SCAPER: variants seen among roughly 807,000 people sequenced by gnomAD.
SCAPER encodes the protein S-phase cyclin A associated protein in the ER, also known as S phase cyclin A-associated protein in the endoplasmic reticulum.
SCAPER carries 98 observed loss-of-function variants against 182.2 expected under a neutral mutation model. The ratio of observed to expected loss-of-function variants is 0.54; its 90% CI spans 0.46 to 0.64. The LOEUF is 0.64. Ranked by LOEUF, SCAPER falls within the 30% of genes least tolerant of loss-of-function variation. The pLI, the probability that SCAPER is intolerant of heterozygous loss-of-function variation, is 0.00. For synonymous variants in SCAPER, 605 were observed against 564.6 expected (o/e 1.07, Z -1.01); for missense variants, 1,432 against 1,690.0 (o/e 0.85, Z 2.68).
chr15:76,643,846 T>C (rs922864292), intron 21 of SCAPER, among the ~76,000 whole-genome samples: 1 of 152,142 alleles, frequency 6.6e-6, no homozygotes, highest in Non-Finnish European at 1.5e-5. Context: ...AGTAAGAGCT[T>C]ACCAAAATAT....
chr15:76,645,597 T>C (rs2054482150), intron 21 of SCAPER, among the ~76,000 whole-genome samples: 1 of 152,044 alleles, frequency 6.6e-6, no homozygotes. Flanking sequence ...CTTTCCTGAC[T>C]GCCCCAGTCA....
chr15:76,692,842 G>A (rs2058451101), intron 20 of SCAPER, among the ~76,000 whole-genome samples: 1 of 150,238 alleles, frequency 6.7e-6, no homozygotes, highest in Non-Finnish European at 1.5e-5. Context: ...AAAAAATAAA[G>A]CGACAATAGA....
chr15:76,709,915 T>A (rs1215659496), intron 17 of SCAPER, among the ~76,000 whole-genome samples: 1 of 152,202 alleles, frequency 6.6e-6, no homozygotes, highest in African/African-American at 2.4e-5. Context: ...AAACCCACAG[T>A]CATCTTAATG....
intron 28 of SCAPER, among the ~76,000 whole-genome samples, chr15:76,377,694 A>C (rs1232296424): frequency 6.6e-6 from 1 of 152,184 alleles, no homozygotes; most frequent in Non-Finnish European, 1.5e-5. Context: ...AAGAGGGAAA[A>C]ATATTTTGAC....
At chr15:76,470,047 C>T (rs1224936086) in intron 25 of SCAPER, among the ~76,000 whole-genome samples, 1 of 152,074 alleles carries the variant, frequency 6.6e-6, no homozygotes, top group Non-Finnish European at 1.5e-5. Flanking sequence ...TTTTTGTTTG[C>T]TTTCCCTTAT....
rs1417678925 is a variant in SCAPER at position 76,841,764 on chromosome 15, G to A, written c.363C>T (p.Cys121=). Residue 121 remains cysteine, a synonymous_variant, in exon 5 of 32, where the codon TGC becomes TGT. Coordinates refer to ENST00000563290, the MANE Select transcript of SCAPER (RefSeq NM_020843.4). ...ATTCGACCACACTCTGATCTGATTC[G>A]CAAGTTACATAGATTTCATCTACTG... is the stretch of plus-strand genomic sequence containing the variant. ...RRAVDEIYVT[C]ESDQSVVECK... 11 of 1,613,704 alleles carry A rather than the reference G, an allele frequency of 6.8e-6. No individual in the cohort carries two copies. Among genetic ancestry groups the A allele is most frequent in the African/African-American group, 1.3e-5 (1 of 74,916 alleles).
chr15:76,713,146 T>C (rs1044792545), intron 17 of SCAPER, among the ~76,000 whole-genome samples: 2 of 152,134 alleles, frequency 1.3e-5, no homozygotes, highest in African/African-American at 4.8e-5. Flanking sequence ...CTGGAGAGGA[T>C]GTGGAGAAAT....
intron 5 of SCAPER, among the ~76,000 whole-genome samples, chr15:76,836,827 T>C (rs1568296049): frequency 1.3e-5 from 2 of 150,678 alleles, no homozygotes; most frequent in African/African-American, 2.4e-5. Context: ...TGAGCCGAGA[T>C]CTCACCATTG....
At chr15:76,649,383 T>A (rs904582710) in intron 21 of SCAPER, among the ~76,000 whole-genome samples, 1 of 151,920 alleles carries the variant, frequency 6.6e-6, no homozygotes, top group Non-Finnish European at 1.5e-5. Flanking sequence ...TGAGCTGGGA[T>A]CATGCCACTG....
At chr15:76,471,449 C>T (rs954454817) in intron 24 of SCAPER, 114 bp from the exon 25 acceptor site, 65 of 1,238,080 alleles carry the variant, frequency 5.3e-5, no homozygotes, top group Admixed American at 1.9e-4. Context: ...GGAAGTCACT[C>T]TAAAAACCAA....
chr15:76,703,147 C>T (rs1052077486), intron 18 of SCAPER, 145 bp from the exon 19 acceptor site: 10 of 837,942 alleles, frequency 1.2e-5, no homozygotes, highest in Admixed American at 3.4e-5. Context: ...AAGCTTTACA[C>T]AAAGCCCTTT....
At chr15:76,464,204 T>C (rs887873743) in intron 25 of SCAPER, among the ~76,000 whole-genome samples, 2 of 152,120 alleles carry the variant, frequency 1.3e-5, no homozygotes. Context: ...ACCACCATTC[T>C]ACTTTGTTTC....
At chr15:76,821,290 C>T (rs1271024188) in intron 5 of SCAPER, among the ~76,000 whole-genome samples, 2 of 152,116 alleles carry the variant, frequency 1.3e-5, no homozygotes, top group African/African-American at 4.8e-5. Flanking sequence ...AAATATTGCT[C>T]ACGGCTAAGA....
chr15:76,597,831 C>G (rs1216068621), intron 22 of SCAPER, among the ~76,000 whole-genome samples: 2 of 120,686 alleles, frequency 1.7e-5, no homozygotes, highest in African/African-American at 5.1e-5. Context: ...AACATAAGGC[C>G]TAAAATCATA....
chr15:76,395,886 T>A (rs1204253555), intron 27 of SCAPER, among the ~76,000 whole-genome samples: 1 of 152,216 alleles, frequency 6.6e-6, no homozygotes, highest in African/African-American at 2.4e-5. Context: ...CGGTTGCCTG[T>A]GCTTGCAGGG....
At chr15:76,615,952 C>T (rs1340306235) in intron 22 of SCAPER, among the ~76,000 whole-genome samples, 4 of 151,870 alleles carry the variant, frequency 2.6e-5, no homozygotes, top group Admixed American at 2.6e-4. Context: ...TGGCTACTAT[C>T]AAAAAAAGCA....
At chr15:76,666,042 A>G (rs2056549425) in intron 20 of SCAPER, among the ~76,000 whole-genome samples, 2 of 152,180 alleles carry the variant, frequency 1.3e-5, no homozygotes, top group Admixed American at 1.3e-4. Flanking sequence ...CCCTACCAAG[A>G]TATCACACAA....
intron 21 of SCAPER, among the ~76,000 whole-genome samples, chr15:76,623,857 C>T (rs1567629575): frequency 6.8e-6 from 1 of 147,976 alleles, no homozygotes; most frequent in African/African-American, 2.6e-5. Flanking sequence ...AATCCAACAT[C>T]CCTTCATGAT....
chr15:76,696,065 T>C (rs2058642938), intron 20 of SCAPER, among the ~76,000 whole-genome samples: 1 of 152,216 alleles, frequency 6.6e-6, no homozygotes, highest in South Asian at 2.1e-4. Flanking sequence ...AGATGTTTCA[T>C]AATGTGATTA....
Sources: gnomAD v4.1 joint callset for allele counts (sites outside exome capture counted in the v4.1 genomes callset) on GRCh38, gnomAD v4.1.1 for gene constraint, MANE v1.5 for transcripts, NCBI Gene and HGNC (gene_info 2026-07-23, HGNC 2026-07-21) for gene names.